Variants in KCNH1 observed in about 807,000 individuals in gnomAD.
The protein encoded by KCNH1 is potassium voltage-gated channel subfamily H member 1.
In KCNH1, 27 loss-of-function variants were observed where a neutral mutation model predicts 69.2. That is an observed-to-expected ratio of 0.39 (90% confidence interval 0.29 to 0.54). The LOEUF (loss-of-function observed/expected upper bound fraction) is 0.54. KCNH1 is among the 20% of genes least tolerant of loss of function. KCNH1 has a pLI of 0.68. For missense variants in KCNH1, 798 were observed against 1,261.6 expected (o/e 0.63, Z 5.57); for synonymous variants, 456 against 487.7 (o/e 0.93, Z 0.86).
At chr1:211,101,733 C>G (rs980119588) in intron 3 of KCNH1, among the ~76,000 whole-genome samples, 1 of 152,228 alleles carries the variant, frequency 6.6e-6, no homozygotes, top group Non-Finnish European at 1.5e-5. Context: ...ACACTGGAAA[C>G]TAATCCTGGT....
At chr1:210,798,784 A>C (rs1684373697) in intron 8 of KCNH1, among the ~76,000 whole-genome samples, 1 of 152,204 alleles carries the variant, frequency 6.6e-6, no homozygotes, top group Admixed American at 6.5e-5. Context: ...TAAATTTAGA[A>C]AATATTTTTA....
chr1:210,959,699 G>A (rs1251427421), intron 6 of KCNH1, among the ~76,000 whole-genome samples: 3 of 152,218 alleles, frequency 2.0e-5, no homozygotes, highest in Admixed American at 6.5e-5. Flanking sequence ...CCATGGGCAT[G>A]GGACCCACTG....
chr1:210,785,301 T>A (rs1684073353), intron 9 of KCNH1, among the ~76,000 whole-genome samples: 1 of 152,086 alleles, frequency 6.6e-6, no homozygotes, highest in Non-Finnish European at 1.5e-5. Flanking sequence ...AGTTGGATGG[T>A]TGGGAAGGAA....
chr1:210,746,466 C>T (rs893905057), intron 10 of KCNH1, among the ~76,000 whole-genome samples: 8 of 152,168 alleles, frequency 5.3e-5, no homozygotes, highest in African/African-American at 1.9e-4. Flanking sequence ...TAATCCATCC[C>T]AGTGCCTCTC....
Position 210,919,572 on chromosome 1 carries a change from G to A in KCNH1, c.1462+68C>T. Reference sequence around the variant, plus strand: ...TTATTCTCCTGATCCTGCTGGCACTGTAGCCATTTCCCTGTTTCCAGCTAA... The same window carrying A: ...TTATTCTCCTGATCCTGCTGGCACTATAGCCATTTCCCTGTTTCCAGCTAA... On this transcript the variant is annotated intron_variant, in intron 7 of 10. Coordinates refer to ENST00000271751, the MANE Select transcript of KCNH1 (RefSeq NM_172362.3). This position sits in a 1 kb window ranked among gnomAD's most constrained non-coding sequence, Gnocchi z 4.2. 1 of 1,381,734 alleles carries A rather than the reference G, an allele frequency of 7.2e-7. No homozygotes were observed. Among genetic ancestry groups the A allele is most frequent in the South Asian group, 1.3e-5 (1 of 78,594 alleles). The allele number at this position is 1,381,734 out of a possible 1,614,324, so 85.6% of individuals were successfully genotyped here.
intron 6 of KCNH1, among the ~76,000 whole-genome samples, chr1:210,980,433 G>C (rs754392506): frequency 2.0e-5 from 3 of 152,168 alleles, no homozygotes; most frequent in African/African-American, 4.8e-5. Flanking sequence ...ATGATATTGA[G>C]AGCCTGATGT....
intron 10 of KCNH1, among the ~76,000 whole-genome samples, chr1:210,769,491 G>C (rs1329908383): frequency 6.6e-6 from 1 of 152,082 alleles, no homozygotes; most frequent in Non-Finnish European, 1.5e-5. Context: ...CTAAGTTGGG[G>C]CTTTAATCAA....
intron 5 of KCNH1, among the ~76,000 whole-genome samples, chr1:211,072,715 AT>A (rs1248417014): frequency 7.1e-6 from 1 of 141,176 alleles, no homozygotes; most frequent in African/African-American, 2.6e-5. Context: ...TGAAAAAAAA[AT>A]TTTTTTTGCA....
intron 10 of KCNH1, among the ~76,000 whole-genome samples, chr1:210,719,804 G>A (rs777552476): frequency 6.6e-6 from 1 of 152,076 alleles, no homozygotes; most frequent in Non-Finnish European, 1.5e-5. Flanking sequence ...TTAACTCTTG[G>A]TGAACATTGA....
chr1:210,859,505 C>T (rs1049342788), intron 7 of KCNH1: 1 of 1,602,446 alleles, frequency 6.2e-7, no homozygotes, highest in Non-Finnish European at 8.6e-7. Context: ...CAATCTTCAT[C>T]ATCTCCATCT....
chr1:210,999,277 A>G (rs1415402989), intron 6 of KCNH1, among the ~76,000 whole-genome samples: 1 of 152,222 alleles, frequency 6.6e-6, no homozygotes, highest in Non-Finnish European at 1.5e-5. Context: ...CAAGACTAAT[A>G]AAGAAGAAAA....
At chr1:210,794,495 C>T (rs1006900280) in intron 9 of KCNH1, among the ~76,000 whole-genome samples, 13 of 152,188 alleles carry the variant, frequency 8.5e-5, no homozygotes, top group Admixed American at 2.6e-4. Context: ...GATTTAGAGA[C>T]GCAGTCAACA....
intron 10 of KCNH1, among the ~76,000 whole-genome samples, chr1:210,726,160 G>A (rs558386246): frequency 3.3e-5 from 5 of 152,166 alleles, no homozygotes; most frequent in South Asian, 4.2e-4. Context: ...GAGTCTCCCC[G>A]GAAGAGGCTA....
intron 10 of KCNH1, among the ~76,000 whole-genome samples, chr1:210,686,924 G>A (rs1282993738): frequency 2.0e-5 from 3 of 152,178 alleles, no homozygotes; most frequent in Non-Finnish European, 4.4e-5. Context: ...GCTGTTTGAA[G>A]TGCCTGGTAC....
intron 7 of KCNH1, among the ~76,000 whole-genome samples, chr1:210,842,723 G>C (rs527791771): frequency 2.0e-4 from 30 of 152,218 alleles, no homozygotes; most frequent in African/African-American, 7.2e-4. Context: ...GATCATTAGT[G>C]CAAGAGTGGT....
intron 10 of KCNH1, among the ~76,000 whole-genome samples, chr1:210,701,458 A>G (rs1378130487): frequency 6.6e-6 from 1 of 152,234 alleles, no homozygotes; most frequent in African/African-American, 2.4e-5. Context: ...TAAGGTCGCA[A>G]AGAAGTTTCT....
intron 7 of KCNH1, among the ~76,000 whole-genome samples, chr1:210,813,660 G>C (rs1684755899): frequency 6.6e-6 from 1 of 152,176 alleles, no homozygotes; most frequent in Non-Finnish European, 1.5e-5. Context: ...ATGGCAACTG[G>C]CAACTAACTT....
intron 6 of KCNH1, among the ~76,000 whole-genome samples, chr1:210,970,536 G>T (rs532854050): frequency 1.3e-5 from 2 of 152,142 alleles, no homozygotes; most frequent in Middle Eastern, 3.4e-3. Flanking sequence ...TAAGCAATGG[G>T]GAAAGGATTT....
intron 2 of KCNH1, 121 bp downstream of exon 2, chr1:211,107,133 A>C (rs527282837): frequency 9.2e-7 from 1 of 1,089,964 alleles, no homozygotes; most frequent in Non-Finnish European, 1.4e-6. Flanking sequence ...TATGGCAATA[A>C]ATTTTCCTGT....
Sources: gnomAD v4.1 joint callset for allele counts (sites outside exome capture counted in the v4.1 genomes callset) on GRCh38, gnomAD v4.1.1 for gene constraint, Gnocchi (gnomAD v3.1) non-coding constraint, MANE v1.5 for transcripts, NCBI Gene and HGNC (gene_info 2026-07-23, HGNC 2026-07-21) for gene names.